Variants in KIF13A observed in about 807,000 individuals in gnomAD.
The protein encoded by KIF13A is kinesin-like protein KIF13A.
KIF13A carries 79 observed loss-of-function variants against 212.2 expected under a neutral mutation model. The observed-to-expected ratio is 0.37, with a 90% CI of 0.31 to 0.45. KIF13A has a LOEUF of 0.45. Ranked by LOEUF, KIF13A falls within the 20% of genes least tolerant of loss-of-function variation. The probability of loss-of-function intolerance (pLI) is 1.00; values close to 1 mark genes in which losing one functional copy is unlikely to be tolerated. For missense variants in KIF13A, 1,901 were observed against 2,209.0 expected (o/e 0.86, Z 2.79); for synonymous variants, 789 against 808.6 (o/e 0.98, Z 0.41).
At position 17,836,981 on chromosome 6, in the gene KIF13A, C is replaced by T; in HGVS notation, c.1052G>A (p.Arg351Lys). ...STLRYADRAK[R>K]IVNHAVVNED... ...ATTCACAACAGCATGGTTCACAATCCTTTTGGCTCGGTCTGCATATCTTAA... is the reference window on the plus strand; with the variant it reads ...ATTCACAACAGCATGGTTCACAATCTTTTTGGCTCGGTCTGCATATCTTAA... The change falls in exon 11 of 39, where the codon AGG becomes AAG. Residue 351 changes from arginine (R) to lysine (K), a missense_variant. Arg to Lys is a conservative substitution (Grantham distance 26). Around this residue, in one of 5 missense-constraint regions of KIF13A, gnomAD observed 506 missense variants for 637.4 expected, o/e 0.79. Coordinates refer to ENST00000259711, the MANE Select transcript of KIF13A (RefSeq NM_022113.6). 6.2e-7 allele frequency: 1 copy of T among 1,613,926 alleles called. No individual in the cohort carries two copies. The highest frequency in any genetic ancestry group is 1.6e-4 in the Middle Eastern group (1 of 6,062).
chr6:17,813,727 G>T (rs1159958701), intron 17 of KIF13A, among the ~76,000 whole-genome samples: 2 of 152,088 alleles, frequency 1.3e-5, no homozygotes, highest in African/African-American at 4.8e-5. Flanking sequence ...GAGCTGCAGT[G>T]TGTGTGTGAG....
chr6:17,774,119 A>C (rs1453793744), intron 35 of KIF13A, among the ~76,000 whole-genome samples: 3 of 152,212 alleles, frequency 2.0e-5, no homozygotes, highest in African/African-American at 7.2e-5. Flanking sequence ...ATATCATACG[A>C]GCTTACTTAA....
In KIF13A at chr6:17,764,968, C is replaced by A; in HGVS notation, c.4582-22G>T. ...AGTCCTATAGAAGTGAAGCAAAAGT[C>A]AGTCATTAGCTCCTTGTAGCAACTG... On this transcript the variant is annotated intron_variant, in intron 38 of 38. Transcript: ENST00000259711. The surrounding 1 kb of genome is among the most constrained non-coding windows in gnomAD (Gnocchi z 5.1). 6.4e-7 allele frequency: 1 copy of A among 1,555,884 alleles called. No homozygotes were observed. Among genetic ancestry groups the A allele is most frequent in the South Asian group, 1.2e-5 (1 of 82,330 alleles).
At chr6:17,906,946 G>A (rs992876870) in intron 2 of KIF13A, among the ~76,000 whole-genome samples, 24 of 152,100 alleles carry the variant, frequency 1.6e-4, no homozygotes, top group African/African-American at 5.8e-4. Context: ...AGAGGTGCTG[G>A]GTGAGATAAG....
At chr6:17,876,607 CTGTG>C (rs1014489620) in intron 3 of KIF13A, among the ~76,000 whole-genome samples, 5 of 143,776 alleles carry the variant, frequency 3.5e-5, no homozygotes, top group Non-Finnish European at 7.6e-5. Flanking sequence ...TGTATATGAT[CTGTG>C]TGTGTGAGAC....
Position 17,854,305 on chromosome 6 carries a change from A to AT in KIF13A, c.494+1131dup, listed in dbSNP as rs530839166. Among the ~76,000 whole-genome samples the AT allele has an allele frequency of 2.0e-5, 3 of 151,834 alleles. No homozygotes were observed. The South Asian group carries it at 6.2e-4, about 32-fold the overall frequency. ...AGGTGCCCAGCACCACGCCCAGCTA[A>AT]TTTTTCTATTTTAGTAGAGACGGTG... is the stretch of plus-strand genomic sequence containing the variant. On this transcript the variant is annotated intron_variant, in intron 6 of 38. Transcript: ENST00000259711.
At chr6:17,978,532 A>T (rs1374724271) in intron 2 of KIF13A, among the ~76,000 whole-genome samples, 10 of 152,254 alleles carry the variant, frequency 6.6e-5, no homozygotes, top group African/African-American at 2.2e-4. Context: ...GGTACAAAGT[A>T]ATCTCACCAA....
At chr6:17,859,023 C>T (rs568753923) in intron 4 of KIF13A, among the ~76,000 whole-genome samples, 21 of 152,242 alleles carry the variant, frequency 1.4e-4, no homozygotes, top group South Asian at 8.3e-4. Flanking sequence ...ATTCCTGTAT[C>T]AGGTAGTAAA....
At position 17,780,765 on chromosome 6, in the gene KIF13A, G is replaced by T; in HGVS notation, c.3811C>A (p.Arg1271=). The T allele has an allele frequency of 6.2e-7, 1 of 1,613,992 alleles. No homozygotes were observed. The highest frequency in any genetic ancestry group is 8.5e-7 in the Non-Finnish European group (1 of 1,179,876). ...TAAATATTGGCTGCAATTCGTTTTC[G>T]TAATACTAACTCCATAGCAGCAGGG... ...SHPAAMELVL[R]KRIAANIYNK... Residue 1271 remains arginine (R), a synonymous_variant, in exon 31 of 39, where the codon CGA becomes AGA. Coordinates refer to ENST00000259711, the MANE Select transcript of KIF13A (RefSeq NM_022113.6).
rs1765153672 is a variant in KIF13A, at chr6:17,828,359, C to T, written c.1413G>A (p.Arg471=). 5 of 1,610,730 alleles carry T rather than the reference C, an allele frequency of 3.1e-6. No individual in the cohort carries two copies. Among genetic ancestry groups the T allele is most frequent in the Non-Finnish European group, 2.5e-6 (3 of 1,178,502 alleles). Residue 471 remains arginine (R), a synonymous_variant, in exon 14 of 39, where the codon AGG becomes AGA. Transcript: ENST00000259711. The surrounding 1 kb of genome is among the most constrained non-coding windows in gnomAD (Gnocchi z 4.3). ...LLVYYLKDHT[R]VGADTSQDIQ... is the part of the protein sequence containing the mutation. The stretch of plus-strand genomic sequence containing the variant: ...TATCTTGAGAGGTATCTGCACCCAC[C>T]CTGGTGTGATCCTAGTAAAAGATTA...
Position 17,883,107 on chromosome 6 carries a change from C to T in KIF13A, c.160-9670G>A, listed in dbSNP as rs539765561. 5.9e-5 allele frequency among the ~76,000 whole-genome samples: 9 copies of T among 152,232 alleles called. No individual in the cohort carries two copies. Among genetic ancestry groups the T allele is most frequent in the African/African-American group, 1.9e-4 (8 of 41,544 alleles). ...GGGTATGGTGGCTCATGCCTATAAT[C>T]CCAGTGTTTTGAGAGGCTGAGACTG... is the stretch of plus-strand genomic sequence containing the variant. On this transcript the variant is annotated intron_variant, in intron 3 of 38. Coordinates refer to ENST00000259711, the MANE Select transcript of KIF13A (RefSeq NM_022113.6). This position sits in a 1 kb window ranked among gnomAD's most constrained non-coding sequence, Gnocchi z 4.8.
Position 17,849,955 on chromosome 6 carries a change from C to A in KIF13A, c.717+368G>T, listed in dbSNP as rs890805627. Among the ~76,000 whole-genome samples, 1 of 152,176 alleles carries A rather than the reference C, an allele frequency of 6.6e-6. No individual in the cohort carries two copies. Among genetic ancestry groups the A allele is most frequent in the African/African-American group, 2.4e-5 (1 of 41,448 alleles). On this transcript the variant is annotated intron_variant, in intron 8 of 38. Coordinates refer to ENST00000259711, the MANE Select transcript of KIF13A (RefSeq NM_022113.6). The surrounding 1 kb of genome is among the most constrained non-coding windows in gnomAD (Gnocchi z 5.7). ...TAAAAGCTGTATGGTGATGTCATCA[C>A]ACTTGTTAGGGACTTTGCACAAGAA...
intron 38 of KIF13A, among the ~76,000 whole-genome samples, chr6:17,765,537 A>G (rs1373344572): frequency 1.3e-5 from 2 of 152,258 alleles, no homozygotes; most frequent in Non-Finnish European, 2.9e-5. Flanking sequence ...TCGTAAGGCT[A>G]TAAAATACTA....
intron 2 of KIF13A, among the ~76,000 whole-genome samples, chr6:17,980,776 G>C (rs533703487): frequency 1.1e-4 from 16 of 151,906 alleles, no homozygotes; most frequent in Non-Finnish European, 1.5e-5. Flanking sequence ...AACAATGTTC[G>C]GTAGAGTCAT....
intron 2 of KIF13A, among the ~76,000 whole-genome samples, chr6:17,922,747 T>G (rs1325393267): frequency 1.3e-5 from 2 of 151,910 alleles, no homozygotes; most frequent in African/African-American, 4.8e-5. Flanking sequence ...ATGTGGATAT[T>G]CATTTCTATT....
Position 17,826,177 on chromosome 6 carries a change from T to C in KIF13A, c.1533-53A>G, listed in dbSNP as rs1764945195. On this transcript the variant is annotated intron_variant, in intron 14 of 38. Transcript: ENST00000259711. This position sits in a 1 kb window ranked among gnomAD's most constrained non-coding sequence, Gnocchi z 4.7. ...GTAAATGGGAAGGAGCACAAGACCT[T>C]GTCCTGGTAGCCAAAGAGATAACTA... 7.3e-7 allele frequency: 1 copy of C among 1,373,296 alleles called. No individual in the cohort carries two copies. The highest frequency in any genetic ancestry group is 1.0e-6 in the Non-Finnish European group (1 of 970,658). The allele number at this position is 1,373,296 out of a possible 1,614,324, so 85.1% of individuals were successfully genotyped here.
intron 2 of KIF13A, among the ~76,000 whole-genome samples, chr6:17,956,621 C>A (rs1778377268): frequency 1.3e-5 from 2 of 152,188 alleles, no homozygotes; most frequent in South Asian, 4.1e-4. Flanking sequence ...TCCCATACCC[C>A]TTGTTACAGT....
chr6:17,773,526 C>A lies in KIF13A; in HGVS notation c.4276G>T (p.Ala1426Ser), dbSNP rs755957437. Residue 1426 changes from alanine to serine, a missense_variant, in exon 36 of 39, where the codon GCA becomes TCA. Around this residue, in one of 5 missense-constraint regions of KIF13A, gnomAD observed 687 missense variants for 759.1 expected, o/e 0.90. Coordinates refer to ENST00000259711, the MANE Select transcript of KIF13A (RefSeq NM_022113.6). The surrounding 1 kb of genome is among the most constrained non-coding windows in gnomAD (Gnocchi z 4.2). ...TCCCTGGGTAAAGTTCCATAACATG[C>A]TACATCTTGGTAACTGGAGCTATAG... Reference protein sequence around the residue: ...SDYSSSYQDVACYGTLPRDSP... With the variant: ...SDYSSSYQDVSCYGTLPRDSP... The A allele has an allele frequency of 6.8e-6, 11 of 1,611,954 alleles. No individual in the cohort carries two copies. Among genetic ancestry groups the A allele is most frequent in the Non-Finnish European group, 9.3e-6 (11 of 1,178,516 alleles).
At chr6:17,930,463 G>T (rs1273615709) in intron 2 of KIF13A, among the ~76,000 whole-genome samples, 1 of 152,068 alleles carries the variant, frequency 6.6e-6, no homozygotes, top group East Asian at 1.9e-4. Context: ...TAATTTCCTG[G>T]AAACAGGGTA....
Sources: allele counts gnomAD v4.1 joint callset (sites outside exome capture counted in the v4.1 genomes callset), GRCh38; gene constraint gnomAD v4.1.1; regional missense constraint gnomAD v4.1.1; non-coding constraint Gnocchi (gnomAD v3.1); transcripts MANE v1.5; gene names NCBI Gene and HGNC (gene_info 2026-07-23, HGNC 2026-07-21).